The following PTPN9 variants were observed in gnomAD, a reference collection of about 807,000 sequenced individuals.
The protein encoded by PTPN9 is protein tyrosine phosphatase non-receptor type 9.
In PTPN9, 26 loss-of-function variants were observed where a neutral mutation model predicts 69.8. That is an observed-to-expected ratio of 0.37 (90% CI 0.27 to 0.52). The LOEUF is 0.52. Ranked by LOEUF, PTPN9 falls within the 20% of genes least tolerant of loss-of-function variation. PTPN9 has a pLI of 0.91. For missense variants in PTPN9, 549 were observed against 740.3 expected, an observed-to-expected ratio of 0.74 and a Z score of 3.00; for synonymous variants, 274 against 272.5, an observed-to-expected ratio of 1.01 and a Z score of -0.05.
intron 8 of PTPN9, chr15:75,480,559 ATGG>A: frequency 3.0e-6 from 2 of 659,878 alleles, no homozygotes; most frequent in East Asian, 1.1e-4. Flanking sequence ...CCGTCCGGCC[ATGG>A]TGGCCGCGGG....
At chr15:75,521,672 C>A (rs1349392756) in intron 4 of PTPN9, among the ~76,000 whole-genome samples, 1 of 151,960 alleles carries the variant, frequency 6.6e-6, no homozygotes, top group African/African-American at 2.4e-5. Flanking sequence ...AATCATGCTA[C>A]TGCACTCCAG....
At position 75,520,580 on chromosome 15, in the gene PTPN9, C is replaced by T. The variant is rs543741298; in HGVS notation, c.422+2541G>A. 9.3e-5 allele frequency among the ~76,000 whole-genome samples: 14 copies of T among 151,216 alleles called. No homozygotes were observed. In the East Asian group the frequency reaches 2.7e-3, roughly 30 times the overall value. On this transcript the variant is annotated intron_variant, in intron 4 of 12. Transcript: ENST00000618819. Reference sequence around the variant, plus strand: ...TTGCCCAGGCTGAAGTGCAATAGTGCGATCTCTGCTCACTGCAACCTCCGC... The same window carrying T: ...TTGCCCAGGCTGAAGTGCAATAGTGTGATCTCTGCTCACTGCAACCTCCGC...
intron 1 of PTPN9, among the ~76,000 whole-genome samples, chr15:75,575,918 CAAAAAAAAAA>C (rs759810846): frequency 2.5e-4 from 10 of 39,288 alleles, no homozygotes; most frequent in Admixed American, 2.2e-3. Context: ...GACTCCATCT[CAAAAAAAAAA>C]AAAAAAAAAA....
At chr15:75,558,677 C>T (rs1043101615) in intron 1 of PTPN9, among the ~76,000 whole-genome samples, 7 of 152,204 alleles carry the variant, frequency 4.6e-5, no homozygotes, top group African/African-American at 7.2e-5. Flanking sequence ...TGCAGGCGCG[C>T]GCCGCCACAC....
intron 1 of PTPN9, among the ~76,000 whole-genome samples, chr15:75,561,707 A>T (rs2075104644): frequency 6.6e-6 from 1 of 151,580 alleles, no homozygotes; most frequent in Non-Finnish European, 1.5e-5. Flanking sequence ...TTTTTATTTT[A>T]TTTTTTATTA....
At chr15:75,498,480 C>T (rs546689255) in intron 7 of PTPN9, among the ~76,000 whole-genome samples, 4 of 151,530 alleles carry the variant, frequency 2.6e-5, no homozygotes, top group Admixed American at 6.6e-5. Context: ...TTTGGGAGGC[C>T]GAGGTGAGTG....
At chr15:75,478,881 C>A (rs931364652) in intron 9 of PTPN9, among the ~76,000 whole-genome samples, 3 of 152,254 alleles carry the variant, frequency 2.0e-5, no homozygotes, top group African/African-American at 7.2e-5. Flanking sequence ...TTACGCCCAT[C>A]TGATGGTCTG....
chr15:75,549,593 C>T (rs996911548), intron 1 of PTPN9, among the ~76,000 whole-genome samples: 1 of 151,924 alleles, frequency 6.6e-6, no homozygotes, highest in Admixed American at 6.6e-5. Context: ...CTCACAAACA[C>T]GTACAAAAAA....
rs138855481 is a variant in PTPN9 at position 75,476,475 on chromosome 15, C to T, written c.1130-2708G>A. 2.2e-3 allele frequency among the ~76,000 whole-genome samples: 333 copies of T among 152,174 alleles called. 1 individual carries two copies. The highest frequency in any genetic ancestry group is 3.7e-3 in the Non-Finnish European group (254 of 68,010). ...GATTACAGGCATGCACCACTACGCT[C>T]GGCTACTTTTTGTAGTTTTAGTAGA... On this transcript the variant is annotated intron_variant, in intron 9 of 12. Transcript: ENST00000618819.
intron 1 of PTPN9, among the ~76,000 whole-genome samples, chr15:75,572,498 T>C (rs1483145385): frequency 2.0e-5 from 3 of 152,042 alleles, no homozygotes; most frequent in South Asian, 2.1e-4. Context: ...TCACTTGAGA[T>C]CAGGAGTTGG....
chr15:75,524,011 C>T (rs1595960640), intron 3 of PTPN9, among the ~76,000 whole-genome samples, 198 bp downstream of exon 3: 5 of 150,152 alleles, frequency 3.3e-5, no homozygotes, highest in African/African-American at 4.9e-5. Context: ...TGCTAAATGA[C>T]GAGTTAATGG....
intron 1 of PTPN9, among the ~76,000 whole-genome samples, chr15:75,564,677 C>A (rs1044430304): frequency 1.6e-4 from 24 of 151,764 alleles, no homozygotes; most frequent in Non-Finnish European, 1.5e-5. Flanking sequence ...ATCCCTCCAT[C>A]TGGAGTGCAG....
chr15:75,533,886 T>C (rs753029544), intron 1 of PTPN9, among the ~76,000 whole-genome samples: 5 of 152,170 alleles, frequency 3.3e-5, no homozygotes, highest in Non-Finnish European at 5.9e-5. Flanking sequence ...ACAAGAATAA[T>C]GTGCTGGCAC....
rs578142556 is a variant in PTPN9 at position 75,503,396 on chromosome 15, C to T, written c.968+2279G>A. 4.3e-3 allele frequency among the ~76,000 whole-genome samples: 620 copies of T among 145,278 alleles called. 2 individuals carry two copies. The highest frequency in any genetic ancestry group is 7.1e-3 in the Non-Finnish European group (468 of 66,060). ...TCTGAGAAGTGAGGAGACCCTCCGC[C>T]CAGCATCCGCCCCATCTGAGAAGTG... On this transcript the variant is annotated intron_variant, in intron 7 of 12. Transcript: ENST00000618819.
At chr15:75,480,699 G>T in intron 8 of PTPN9, 1 of 1,306,282 alleles carries the variant, frequency 7.7e-7, no homozygotes, top group Non-Finnish European at 9.9e-7. Context: ...CGCAGCCACC[G>T]CCGCCCCACA....
intron 12 of PTPN9, 94 bp downstream of exon 12, chr15:75,469,698 C>G (rs1422377917): frequency 7.2e-7 from 1 of 1,380,434 alleles, no homozygotes; most frequent in African/African-American, 1.4e-5. Context: ...AAGTGAGTTC[C>G]TTCTCCAATC....
At chr15:75,505,613 T>C (rs2074815060) in intron 7 of PTPN9, 62 bp downstream of exon 7, 1 of 1,324,614 alleles carries the variant, frequency 7.5e-7, no homozygotes, top group African/African-American at 1.5e-5. Flanking sequence ...GAAGGAGCTG[T>C]TGCCAGAGCC....
At chr15:75,529,179 G>T (rs1297411717) in intron 1 of PTPN9, among the ~76,000 whole-genome samples, 1 of 151,872 alleles carries the variant, frequency 6.6e-6, no homozygotes, top group Non-Finnish European at 1.5e-5. Flanking sequence ...TAGAGGCAAG[G>T]TTTCACCATA....
chr15:75,508,308 T>G (rs918418722), intron 6 of PTPN9, among the ~76,000 whole-genome samples: 1 of 152,134 alleles, frequency 6.6e-6, no homozygotes, highest in African/African-American at 2.4e-5. Flanking sequence ...TCTTCCCGCC[T>G]TGGCCTCGGA....
Sources: allele counts gnomAD v4.1 joint callset (sites outside exome capture counted in the v4.1 genomes callset), GRCh38; gene constraint gnomAD v4.1.1; transcripts MANE v1.5; gene names NCBI Gene and HGNC (gene_info 2026-07-23, HGNC 2026-07-21).